The following RIMS4 variants were observed in gnomAD, a reference collection of about 807,000 sequenced individuals.
The protein encoded by RIMS4 is regulating synaptic membrane exocytosis protein 4.
A neutral mutation model predicts 29.0 loss-of-function variants in RIMS4; 9 were observed. The ratio of observed to expected loss-of-function variants is 0.31; its 90% CI spans 0.19 to 0.54. The LOEUF is 0.54. Ranked by LOEUF, RIMS4 falls within the 20% of genes least tolerant of loss-of-function variation. The probability of loss-of-function intolerance (pLI) is 0.94; values close to 1 mark genes in which losing one functional copy is unlikely to be tolerated. For missense variants in RIMS4, 193 were observed against 365.7 expected (o/e 0.53, Z 3.85); for synonymous variants, 130 against 152.9 (o/e 0.85, Z 1.10).
At chr20:44,799,550 T>TGAGGAACTAATTAATTTTCATTA (rs1462181466) in intron 1 of RIMS4, among the ~76,000 whole-genome samples, 1 of 152,168 alleles carries the variant, frequency 6.6e-6, no homozygotes, top group East Asian at 1.9e-4. Flanking sequence ...AGACATTTGC[T>TGAGGAACTAATTAATTTTCATTA]GAGGAACTAA....
chr20:44,775,620 C>T (rs2066156899), intron 1 of RIMS4, among the ~76,000 whole-genome samples: 1 of 152,218 alleles, frequency 6.6e-6, no homozygotes, highest in Admixed American at 6.5e-5. Context: ...CGGGACCTGC[C>T]TGAGAGCACA....
At chr20:44,786,122 G>A (rs576608805) in intron 1 of RIMS4, among the ~76,000 whole-genome samples, 19 of 152,322 alleles carry the variant, frequency 1.2e-4, no homozygotes, top group African/African-American at 4.6e-4. Flanking sequence ...AGCCCCCTTT[G>A]AGAAGAGGTA....
chr20:44,779,378 A>G (rs760853901), intron 1 of RIMS4, among the ~76,000 whole-genome samples: 9 of 152,230 alleles, frequency 5.9e-5, no homozygotes, highest in Non-Finnish European at 1.2e-4. Flanking sequence ...CCAGTGCCCT[A>G]CAGAAGGCCC....
chr20:44,767,833 T>C (rs952546390), intron 2 of RIMS4, among the ~76,000 whole-genome samples: 4 of 152,226 alleles, frequency 2.6e-5, no homozygotes, highest in African/African-American at 9.7e-5. Context: ...CTGCAAGAGT[T>C]AGCCACGGCC....
Position 44,795,500 on chromosome 20 carries a change from C to T in RIMS4, c.97+14675G>A, listed in dbSNP as rs113395175. On this transcript the variant is annotated intron_variant, in intron 1 of 5. Transcript: ENST00000372851. Reference sequence around the variant, plus strand: ...ACAAAAAATTAGCCAGGTGTGATGGCGGGCGCCTGCAGTCCCAGCTACTTG... The same window carrying T: ...ACAAAAAATTAGCCAGGTGTGATGGTGGGCGCCTGCAGTCCCAGCTACTTG... Among the ~76,000 whole-genome samples the T allele has an allele frequency of 9.3e-3, 1,410 of 152,180 alleles. 20 individuals are homozygous for T. The highest frequency in any genetic ancestry group is 0.032 in the African/African-American group (1,326 of 41,538).
intron 2 of RIMS4, among the ~76,000 whole-genome samples, chr20:44,764,047 T>TATCC (rs377137927): frequency 0.033 from 2,570 of 77,236 alleles, 110 homozygotes; most frequent in African/African-American, 0.11. Flanking sequence ...TCCATCCATT[T>TATCC]ATCCATCCAT....
At chr20:44,808,895 T>C (rs2066310549) in intron 1 of RIMS4, among the ~76,000 whole-genome samples, 1 of 152,114 alleles carries the variant, frequency 6.6e-6, no homozygotes. Flanking sequence ...TAGGCTACAT[T>C]TTGTGGATGG....
chr20:44,810,331 G>A lies in RIMS4; in HGVS notation c.-60C>T, dbSNP rs2066319465. 3.8e-6 allele frequency: 2 copies of A among 528,356 alleles called. No individual in the cohort carries two copies. Among genetic ancestry groups the A allele is most frequent in the East Asian group, 1.5e-4 (1 of 6,696 alleles). The allele number at this position is 528,356 out of a possible 1,614,324, so 32.7% of individuals were successfully genotyped here. ...GCGGCGGCGGCGGCGGGCGGCTTGG[G>A]CAGCTTGGCCGCCCCATTCTTGACG... On this transcript the variant is annotated 5_prime_UTR_variant, in exon 1 of 6. Coordinates refer to ENST00000372851, the MANE Select transcript of RIMS4 (RefSeq NM_182970.4).
Position 44,754,397 on chromosome 20 carries a change from TGGGACCGGGACC to T in RIMS4, c.*1725_*1736del, listed in dbSNP as rs894187889. The T allele has an allele frequency of 3.2e-5, 5 of 157,812 alleles. No homozygotes were observed. The highest frequency in any genetic ancestry group is 1.2e-4 in the African/African-American group (5 of 41,612). 9.8% of individuals were successfully genotyped at this position (157,812 alleles called of 1,614,324 possible). ...GGTGGAAGGAGTTGCCTGGTGGGAC[TGGGACCGGGACC>T]GGGACCAGGAACAGGGTGGGACCAA... On this transcript the variant is annotated 3_prime_UTR_variant, in exon 6 of 6. Transcript: ENST00000372851.
At chr20:44,776,723 C>T (rs1329738263) in intron 1 of RIMS4, among the ~76,000 whole-genome samples, 2 of 152,168 alleles carry the variant, frequency 1.3e-5, no homozygotes, top group Non-Finnish European at 1.5e-5. Flanking sequence ...ACACGGTCAG[C>T]CCTCAACAAA....
At chr20:44,789,383 C>T (rs574325455) in intron 1 of RIMS4, among the ~76,000 whole-genome samples, 118 of 152,186 alleles carry the variant, frequency 7.8e-4, no homozygotes, top group Non-Finnish European at 1.2e-3. Flanking sequence ...CTGCAAGCTC[C>T]GCCTCCCAGT....
intron 1 of RIMS4, among the ~76,000 whole-genome samples, chr20:44,780,409 A>G (rs2066179042): frequency 6.6e-6 from 1 of 152,200 alleles, no homozygotes; most frequent in Non-Finnish European, 1.5e-5. Context: ...TGGGGCTCAC[A>G]AGGGAGATTT....
chr20:44,780,337 T>A (rs962299113), intron 1 of RIMS4, among the ~76,000 whole-genome samples: 1 of 152,212 alleles, frequency 6.6e-6, no homozygotes, highest in African/African-American at 2.4e-5. Context: ...AGAACTGGCG[T>A]GTGCAGGAAC....
In RIMS4 at chr20:44,810,522, C is replaced by CGGCGGCGGT. The variant is rs1411407147; in HGVS notation, c.-252_-251insACCGCCGCC. 1.4e-5 allele frequency among the ~76,000 whole-genome samples: 2 copies of CGGCGGCGGT among 143,578 alleles called. No individual in the cohort carries two copies. Among genetic ancestry groups the CGGCGGCGGT allele is most frequent in the African/African-American group, 2.5e-5 (1 of 40,172 alleles). 94.2% of individuals were successfully genotyped at this position (143,578 alleles called of 152,430 possible). On this transcript the variant is annotated 5_prime_UTR_variant, in exon 1 of 6. Coordinates refer to ENST00000372851, the MANE Select transcript of RIMS4 (RefSeq NM_182970.4). The stretch of plus-strand genomic sequence containing the variant: ...GCGGCGGCGGCGGCGGCGGTGGCGG[C>CGGCGGCGGT]GGCGGTGGCGGCGCAGCGCGCTCTG...
rs115262081 is a variant in RIMS4, at chr20:44,786,499, C to T, written c.98-15086G>A. 6.0e-3 allele frequency among the ~76,000 whole-genome samples: 914 copies of T among 152,314 alleles called. 5 individuals are homozygous for T. Among genetic ancestry groups the T allele is most frequent in the African/African-American group, 0.02 (844 of 41,550 alleles). ...ACCCCATTTACATATATGTGCCAGC[C>T]TTCATACTAGTGCCGAGGACGCAGC... On this transcript the variant is annotated intron_variant, in intron 1 of 5. Transcript: ENST00000372851.
chr20:44,756,398 C>A lies in RIMS4; in HGVS notation c.592-46G>T. On this transcript the variant is annotated intron_variant, in intron 5 of 5. Transcript: ENST00000372851. The surrounding 1 kb of genome is among the most constrained non-coding windows in gnomAD (Gnocchi z 5.9). ...TGGTTCAAATCCTGCCAGTGCCACT[C>A]ACAGGCCCAGAAGCAGAACCTGGGT... 2 of 1,550,164 alleles carry A rather than the reference C, an allele frequency of 1.3e-6. No homozygotes were observed. The highest frequency in any genetic ancestry group is 1.8e-6 in the Non-Finnish European group (2 of 1,132,350).
chr20:44,754,986 G>C lies in RIMS4; in HGVS notation c.*1148C>G, dbSNP rs1375214563. 2 of 152,660 alleles carry C rather than the reference G, an allele frequency of 1.3e-5. No homozygotes were observed. The highest frequency in any genetic ancestry group is 2.4e-5 in the African/African-American group (1 of 41,440). The allele number at this position is 152,660 out of a possible 1,614,324, so 9.5% of individuals were successfully genotyped here. On this transcript the variant is annotated 3_prime_UTR_variant, in exon 6 of 6. Coordinates refer to ENST00000372851, the MANE Select transcript of RIMS4 (RefSeq NM_182970.4). ...CTGGGCTGGGAAGGCAGCTACCCAGGCCTGCTGGAAAAGGAATCTCCCAGT... is the reference window on the plus strand; with the variant it reads ...CTGGGCTGGGAAGGCAGCTACCCAGCCCTGCTGGAAAAGGAATCTCCCAGT...
At chr20:44,790,290 G>C (rs1457434233) in intron 1 of RIMS4, among the ~76,000 whole-genome samples, 1 of 152,186 alleles carries the variant, frequency 6.6e-6, no homozygotes, top group African/African-American at 2.4e-5. Context: ...AGGAACTCAG[G>C]ACACACTGTT....
chr20:44,793,460 G>A (rs1319815335), intron 1 of RIMS4, among the ~76,000 whole-genome samples: 3 of 152,112 alleles, frequency 2.0e-5, no homozygotes, highest in South Asian at 4.1e-4. Context: ...CCCATATCCA[G>A]AGGGCTCACT....
Sources: allele counts gnomAD v4.1 joint callset (sites outside exome capture counted in the v4.1 genomes callset), GRCh38; gene constraint gnomAD v4.1.1; non-coding constraint Gnocchi (gnomAD v3.1); transcripts MANE v1.5; gene names NCBI Gene and HGNC (gene_info 2026-07-23, HGNC 2026-07-21).